Variants in ENOX1 observed in about 807,000 individuals in gnomAD.
ENOX1 encodes the protein ecto-NOX disulfide-thiol exchanger 1.
In ENOX1, 42 loss-of-function variants were observed where a neutral mutation model predicts 82.5. The observed-to-expected ratio is 0.51, with a 90% CI of 0.40 to 0.66. ENOX1 has a LOEUF of 0.66. Ranked by LOEUF, ENOX1 falls within the 30% of genes least tolerant of loss-of-function variation. The pLI is 0.00. For synonymous variants in ENOX1, 271 were observed against 282.2 expected (o/e 0.96, Z 0.40); for missense variants, 608 against 811.6 (o/e 0.75, Z 3.05).
chr13:43,523,049 G>A (rs2077839189), intron 2 of ENOX1, among the ~76,000 whole-genome samples: 1 of 152,112 alleles, frequency 6.6e-6, no homozygotes, highest in African/African-American at 2.4e-5. Context: ...TAATTTCTAA[G>A]TTTTGTTTCT....
intron 2 of ENOX1, among the ~76,000 whole-genome samples, chr13:43,624,972 T>C (rs1244207422): frequency 6.6e-6 from 1 of 152,096 alleles, no homozygotes; most frequent in African/African-American, 2.4e-5. Flanking sequence ...ACATATCAGC[T>C]TGGGGAGAAG....
intron 1 of ENOX1, among the ~76,000 whole-genome samples, chr13:43,704,584 T>A (rs546704885): frequency 6.6e-6 from 1 of 151,908 alleles, no homozygotes; most frequent in Non-Finnish European, 1.5e-5. Context: ...GAGGACAGAG[T>A]CTGAGGCTGC....
At chr13:43,654,412 C>A (rs187006164) in intron 2 of ENOX1, among the ~76,000 whole-genome samples, 2 of 152,300 alleles carry the variant, frequency 1.3e-5, no homozygotes, top group African/African-American at 4.8e-5. Context: ...TAAAATAAAT[C>A]TCTTCATAAA....
chr13:43,526,923 C>T (rs147075072), intron 2 of ENOX1, among the ~76,000 whole-genome samples: 88 of 152,106 alleles, frequency 5.8e-4, no homozygotes, highest in African/African-American at 2.0e-3. Flanking sequence ...ACACAGCATT[C>T]GGCCCTCTTG....
At chr13:43,325,115 T>G (rs1420766079) in intron 10 of ENOX1, among the ~76,000 whole-genome samples, 1 of 152,198 alleles carries the variant, frequency 6.6e-6, no homozygotes, top group Non-Finnish European at 1.5e-5. Flanking sequence ...TCTTTTTTTT[T>G]TAATCTTGAA....
rs983524715 is a variant in ENOX1, at chr13:43,499,725, C to T, written c.-218-15573G>A. The stretch of plus-strand genomic sequence containing the variant: ...ACAAAGAATCAGGAAAATGACACCA[C>T]CAAAAAGACAAAATAAAGCTCCAGT... On this transcript the variant is annotated intron_variant, in intron 2 of 16. Transcript: ENST00000690772. Among the ~76,000 whole-genome samples the T allele has an allele frequency of 5.9e-5, 9 of 151,984 alleles. No homozygotes were observed. In the East Asian group the frequency reaches 7.8e-4, roughly 13 times the overall value.
intron 16 of ENOX1, among the ~76,000 whole-genome samples, chr13:43,218,249 C>T (rs936181911): frequency 6.6e-6 from 1 of 152,140 alleles, no homozygotes; most frequent in Non-Finnish European, 1.5e-5. Flanking sequence ...GGTTCTGCCA[C>T]AAAGATGCAA....
At chr13:43,353,094 T>C (rs1010881289) in intron 8 of ENOX1, among the ~76,000 whole-genome samples, 18 of 152,170 alleles carry the variant, frequency 1.2e-4, no homozygotes, top group African/African-American at 4.3e-4. Context: ...TCTTGAGTGA[T>C]TGGAAGGATG....
intron 2 of ENOX1, among the ~76,000 whole-genome samples, chr13:43,530,861 T>C (rs1039578299): frequency 2.0e-5 from 3 of 152,040 alleles, no homozygotes; most frequent in African/African-American, 7.2e-5. Context: ...AATTATATCA[T>C]TGGGTACCAT....
intron 2 of ENOX1, among the ~76,000 whole-genome samples, chr13:43,508,238 T>C (rs1397129501): frequency 6.6e-6 from 1 of 151,952 alleles, no homozygotes; most frequent in Admixed American, 6.6e-5. Flanking sequence ...GGAACTGGCG[T>C]AGGTCCTTTT....
At chr13:43,656,836 C>T (rs2084458277) in intron 2 of ENOX1, among the ~76,000 whole-genome samples, 2 of 152,088 alleles carry the variant, frequency 1.3e-5, no homozygotes, top group African/African-American at 4.8e-5. Flanking sequence ...AGTTTCCCAC[C>T]TCTTCTCCTA....
At chr13:43,565,039 C>T (rs1191462011) in intron 2 of ENOX1, among the ~76,000 whole-genome samples, 2 of 152,050 alleles carry the variant, frequency 1.3e-5, no homozygotes, top group Admixed American at 1.3e-4. Flanking sequence ...AGGGGAGAAG[C>T]AATGGATACA....
intron 1 of ENOX1, among the ~76,000 whole-genome samples, chr13:43,749,191 A>G (rs915333777): frequency 1.5e-4 from 23 of 152,198 alleles, no homozygotes; most frequent in Middle Eastern, 3.2e-3. Context: ...TTTAGTGAAA[A>G]TTTCTTATAA....
At chr13:43,330,564 CT>C (rs1232599249) in intron 9 of ENOX1, among the ~76,000 whole-genome samples, 12 of 152,296 alleles carry the variant, frequency 7.9e-5, no homozygotes, top group Admixed American at 7.2e-4. Flanking sequence ...CTTTGCAAAT[CT>C]TTCCCCCCCA....
intron 2 of ENOX1, among the ~76,000 whole-genome samples, chr13:43,491,132 G>A (rs746878353): frequency 3.3e-5 from 5 of 152,164 alleles, no homozygotes; most frequent in African/African-American, 1.2e-4. Flanking sequence ...GAAGGCAAAT[G>A]GGAGCAGGTC....
chr13:43,321,492 A>G (rs1217695540), intron 11 of ENOX1, among the ~76,000 whole-genome samples: 1 of 152,218 alleles, frequency 6.6e-6, no homozygotes, highest in Non-Finnish European at 1.5e-5. Flanking sequence ...AGTCTTGGTG[A>G]CCTGATCCTT....
At chr13:43,425,053 T>C (rs1266719575) in intron 3 of ENOX1, among the ~76,000 whole-genome samples, 4 of 152,062 alleles carry the variant, frequency 2.6e-5, no homozygotes, top group Non-Finnish European at 4.4e-5. Flanking sequence ...GTCCAAAAGG[T>C]ATTCAGGCTC....
chr13:43,417,352 A>G (rs1357179497), intron 3 of ENOX1, among the ~76,000 whole-genome samples: 2 of 152,188 alleles, frequency 1.3e-5, no homozygotes, highest in African/African-American at 4.8e-5. Context: ...GCTCTGTCAC[A>G]TCTTAGGAAT....
chr13:43,597,287 G>A (rs939833354), intron 2 of ENOX1, among the ~76,000 whole-genome samples: 13 of 152,186 alleles, frequency 8.5e-5, no homozygotes, highest in African/African-American at 2.9e-4. Flanking sequence ...TGGGGACGCA[G>A]AGCCAAATGA....
Sources: allele counts gnomAD v4.1 joint callset (sites outside exome capture counted in the v4.1 genomes callset), GRCh38; gene constraint gnomAD v4.1.1; transcripts MANE v1.5; gene names NCBI Gene and HGNC (gene_info 2026-07-23, HGNC 2026-07-21).